Variants in PPP1R16B observed in about 807,000 individuals in gnomAD.
PPP1R16B encodes the protein protein phosphatase 1 regulatory inhibitor subunit 16B.
A neutral mutation model predicts 61.7 loss-of-function variants in PPP1R16B; 14 were observed. The observed-to-expected ratio is 0.23, with a 90% confidence interval of 0.15 to 0.35. The LOEUF (loss-of-function observed/expected upper bound fraction) is 0.35, where lower values mean the gene tolerates loss of function less well. PPP1R16B is among the 10% of genes least tolerant of loss of function. The pLI, the probability that PPP1R16B is intolerant of heterozygous loss-of-function variation, is 1.00. For missense variants in PPP1R16B, 547 were observed against 752.5 expected (o/e 0.73, Z 3.19); for synonymous variants, 266 against 305.3 (o/e 0.87, Z 1.34).
In PPP1R16B at chr20:38,907,763, G is replaced by C. The variant is rs758546295; in HGVS notation, c.899-43G>C. ...TCTGGAGCACCCTCTTGCGCCACAG[G>C]TCCTGGCCCCGTCCCCCACAACAGA... On this transcript the variant is annotated intron_variant, in intron 8 of 10. Transcript: ENST00000299824. This position sits in a 1 kb window ranked among gnomAD's most constrained non-coding sequence, Gnocchi z 4.5. The C allele has an allele frequency of 6.8e-6, 11 of 1,610,296 alleles. No individual in the cohort carries two copies. The East Asian group carries it at 2.5e-4, about 36-fold the overall frequency.
intron 1 of PPP1R16B, among the ~76,000 whole-genome samples, chr20:38,812,381 C>G (rs1251594864): frequency 6.6e-6 from 1 of 152,166 alleles, no homozygotes; most frequent in Non-Finnish European, 1.5e-5. Context: ...ATGAAGGAAA[C>G]CCACTGAATG....
chr20:38,849,063 A>G (rs1394933542), intron 2 of PPP1R16B, among the ~76,000 whole-genome samples: 2 of 152,180 alleles, frequency 1.3e-5, no homozygotes, highest in African/African-American at 2.4e-5. Context: ...TCTGTTAAGC[A>G]TGTATTCTTT....
intron 2 of PPP1R16B, among the ~76,000 whole-genome samples, chr20:38,879,912 C>T (rs1473006808): frequency 1.3e-5 from 2 of 152,204 alleles, no homozygotes; most frequent in Non-Finnish European, 2.9e-5. Context: ...GAACTGGCCT[C>T]TTTGTTCAAG....
intron 2 of PPP1R16B, among the ~76,000 whole-genome samples, chr20:38,837,135 G>A (rs1311414594): frequency 6.6e-6 from 1 of 152,188 alleles, no homozygotes; most frequent in Non-Finnish European, 1.5e-5. Context: ...GTAGAGGGAT[G>A]GACTCTGAAG....
chr20:38,817,691 T>C (rs2084746158), intron 1 of PPP1R16B, among the ~76,000 whole-genome samples: 1 of 152,044 alleles, frequency 6.6e-6, no homozygotes, highest in African/African-American at 2.4e-5. Context: ...TTGAGCTACC[T>C]CTCAAAGAAC....
rs529366981 is a variant in PPP1R16B, at chr20:38,857,436, A to G, written c.250+21261A>G. 6.2e-4 allele frequency among the ~76,000 whole-genome samples: 94 copies of G among 152,368 alleles called. 2 individuals are homozygous for G. In the South Asian group the frequency reaches 0.019, roughly 31 times the overall value. ...ATGAAAGCAATGCAATCGCATTGTC[A>G]CTGGTGACATGGTCCCTCATTTAAT... is the stretch of plus-strand genomic sequence containing the variant. On this transcript the variant is annotated intron_variant, in intron 2 of 10. Transcript: ENST00000299824.
At chr20:38,889,787 C>A (rs1243757254) in intron 3 of PPP1R16B, 122 bp downstream of exon 3, 5 of 1,000,772 alleles carry the variant, frequency 5.0e-6, no homozygotes, top group Non-Finnish European at 4.7e-6. Context: ...GGAGGAGGAG[C>A]TGCAGCTGGC....
Position 38,906,009 on chromosome 20 carries a change from A to G in PPP1R16B, c.737A>G (p.Glu246Gly). The change falls in exon 7 of 11, where the codon GAG (glutamate) becomes GGG (glycine). Residue 246 changes from glutamate to glycine, a missense_variant. Glu to Gly is a moderately conservative substitution (Grantham distance 98). Coordinates refer to ENST00000299824, the MANE Select transcript of PPP1R16B (RefSeq NM_015568.4). The stretch of plus-strand genomic sequence containing the variant: ...GCCAATGGATACCTGCGGGCAGCTG[A>G]GCTCCTCCTGGACCATGGAGTGCGT... ...AGANGYLRAA[E>G]LLLDHGVRVD... 2 of 1,613,670 alleles carry G rather than the reference A, an allele frequency of 1.2e-6. No homozygotes were observed. The highest frequency in any genetic ancestry group is 1.1e-5 in the South Asian group (1 of 91,072).
intron 1 of PPP1R16B, among the ~76,000 whole-genome samples, chr20:38,835,509 C>T (rs951927913): frequency 3.9e-5 from 6 of 152,254 alleles, no homozygotes; most frequent in Admixed American, 3.3e-4. Context: ...TATTCTTTAT[C>T]TGCATTGTCC....
chr20:38,910,510 G>A (rs1030733346), intron 10 of PPP1R16B, among the ~76,000 whole-genome samples: 4 of 151,114 alleles, frequency 2.6e-5, no homozygotes, highest in East Asian at 1.9e-4. Flanking sequence ...AGTCACCCAC[G>A]TTGTGGCATA....
intron 3 of PPP1R16B, 150 bp from the exon 4 acceptor site, chr20:38,895,415 T>A (rs2085326483): frequency 1.1e-6 from 1 of 919,588 alleles, no homozygotes; most frequent in African/African-American, 1.7e-5. Context: ...TCAAGGGCAA[T>A]GCTTACAGTG....
intron 2 of PPP1R16B, among the ~76,000 whole-genome samples, chr20:38,840,232 C>T (rs1378620585): frequency 6.6e-6 from 1 of 152,168 alleles, no homozygotes; most frequent in Non-Finnish European, 1.5e-5. Flanking sequence ...GGGAGGCTGC[C>T]GGGGTGTTAG....
intron 2 of PPP1R16B, among the ~76,000 whole-genome samples, chr20:38,849,101 T>TTTTG (rs548345564): frequency 2.0e-5 from 3 of 152,284 alleles, no homozygotes; most frequent in African/African-American, 4.8e-5. Context: ...CTGTAGGGTT[T>TTTTG]TTTGTTTGTT....
chr20:38,860,168 G>T (rs190505037), intron 2 of PPP1R16B, among the ~76,000 whole-genome samples: 1 of 151,912 alleles, frequency 6.6e-6, no homozygotes, highest in Admixed American at 6.6e-5. Context: ...GGGTTTCACC[G>T]TGTTGGTCAG....
At chr20:38,870,202 T>C (rs1347627807) in intron 2 of PPP1R16B, among the ~76,000 whole-genome samples, 1 of 152,066 alleles carries the variant, frequency 6.6e-6, no homozygotes, top group African/African-American at 2.4e-5. Context: ...CCTCCCAAAG[T>C]GCTGGGATTA....
At position 38,920,888 on chromosome 20, in the gene PPP1R16B, ACT is replaced by A; in HGVS notation, c.*2223_*2224del. The A allele has an allele frequency of 6.6e-6, 1 of 152,228 alleles. No individual in the cohort carries two copies. Among genetic ancestry groups the A allele is most frequent in the South Asian group, 2.1e-4 (1 of 4,824 alleles). 9.4% of individuals were successfully genotyped at this position (152,228 alleles called of 1,614,324 possible). On this transcript the variant is annotated 3_prime_UTR_variant, in exon 11 of 11. Coordinates refer to ENST00000299824, the MANE Select transcript of PPP1R16B (RefSeq NM_015568.4). ...TGGCTGTAAAACAGTATGAGCCCAG[ACT>A]GACGCTGAAATCCCTCATGAGCCAA...
At chr20:38,888,695 A>T (rs961389986) in intron 2 of PPP1R16B, among the ~76,000 whole-genome samples, 1 of 151,888 alleles carries the variant, frequency 6.6e-6, no homozygotes, top group Non-Finnish European at 1.5e-5. Context: ...CTGGTGGGTG[A>T]GCTCCTCTCT....
intron 6 of PPP1R16B, 126 bp from the exon 7 acceptor site, chr20:38,905,843 C>T: frequency 1.0e-6 from 1 of 971,456 alleles, no homozygotes; most frequent in East Asian, 2.7e-5. Flanking sequence ...CTGGTATTTC[C>T]ATTTCATTCT....
intron 3 of PPP1R16B, among the ~76,000 whole-genome samples, chr20:38,891,157 A>C (rs2085289381): frequency 6.6e-6 from 1 of 152,212 alleles, no homozygotes; most frequent in African/African-American, 2.4e-5. Context: ...CATGAGGATC[A>C]AATGTGTGGG....
Sources: gnomAD v4.1 joint callset for allele counts (sites outside exome capture counted in the v4.1 genomes callset) on GRCh38, gnomAD v4.1.1 for gene constraint, Gnocchi (gnomAD v3.1) non-coding constraint, MANE v1.5 for transcripts, NCBI Gene and HGNC (gene_info 2026-07-23, HGNC 2026-07-21) for gene names.